The following RANBP2 variants were observed in gnomAD, a reference collection of about 807,000 sequenced individuals.
RANBP2 encodes RAN binding protein 2, also known as E3 SUMO-protein ligase RanBP2.
A neutral mutation model predicts 303.6 loss-of-function variants in RANBP2; 57 were observed. That is an observed-to-expected ratio of 0.19 (90% CI 0.15 to 0.23). The LOEUF (loss-of-function observed/expected upper bound fraction) is 0.23. Ranked by LOEUF, RANBP2 falls within the 10% of genes least tolerant of loss-of-function variation. RANBP2 has a pLI of 1.00. For synonymous variants in RANBP2, 1,167 were observed against 1,301.5 expected, an observed-to-expected ratio of 0.90 and a Z score of 2.23; for missense variants, 3,138 against 3,780.8, an observed-to-expected ratio of 0.83 and a Z score of 4.46.
chr2:109,462,463 C>G, the RANBP2 span, among the ~76,000 whole-genome samples: 1 of 152,142 alleles, frequency 6.6e-6, no homozygotes, highest in Admixed American at 6.5e-5. Flanking sequence ...TGATAATCCT[C>G]TGTCATTCTC....
chr2:109,314,844 A>G, the RANBP2 span, among the ~76,000 whole-genome samples: 1 of 152,238 alleles, frequency 6.6e-6, no homozygotes, highest in Non-Finnish European at 1.5e-5. Context: ...GAATCAGACC[A>G]CCAAAATATT....
At chr2:108,834,535 C>T in the RANBP2 span, among the ~76,000 whole-genome samples, 1 of 152,138 alleles carries the variant, frequency 6.6e-6, no homozygotes, top group Non-Finnish European at 1.5e-5. Flanking sequence ...TTTTTATACA[C>T]TAAGTATTGT....
the RANBP2 span, chr2:109,794,583 G>GGGGGGA: frequency 8.3e-6 from 8 of 963,566 alleles, 1 homozygote; most frequent in African/African-American, 1.8e-5. Context: ...ACCCGGCCGG[G>GGGGGGA]GGGCGGCGGC....
intron 20 of RANBP2, among the ~76,000 whole-genome samples, chr2:108,769,648 A>G (rs2557898): frequency 6.6e-6 from 1 of 151,600 alleles, no homozygotes. Context: ...CCAGTATTCA[A>G]ATGTAGTGGC....
chr2:109,619,381 C>T, the RANBP2 span, among the ~76,000 whole-genome samples: 5 of 152,196 alleles, frequency 3.3e-5, no homozygotes, highest in African/African-American at 4.8e-5. Flanking sequence ...TGCCATAAAC[C>T]TGCCCTACCC....
the RANBP2 span, among the ~76,000 whole-genome samples, chr2:109,143,974 T>C: frequency 6.6e-6 from 1 of 152,228 alleles, no homozygotes; most frequent in African/African-American, 2.4e-5. Flanking sequence ...CTGTGTGATC[T>C]CATTCATATC....
At chr2:109,058,542 C>A in the RANBP2 span, among the ~76,000 whole-genome samples, 1 of 152,202 alleles carries the variant, frequency 6.6e-6, no homozygotes, top group Non-Finnish European at 1.5e-5. Context: ...AAATGTGGCG[C>A]CTGCTTAAAG....
At chr2:108,907,758 A>G in the RANBP2 span, 1 of 1,383,734 alleles carries the variant, frequency 7.2e-7, no homozygotes, top group Non-Finnish European at 1.0e-6. Flanking sequence ...TGGGAGAAAC[A>G]CCCCGTCTTG....
At chr2:109,141,504 G>C in the RANBP2 span, 1 of 154,988 alleles carries the variant, frequency 6.5e-6, no homozygotes, top group African/African-American at 2.4e-5. Flanking sequence ...GCCCAGCCCA[G>C]AGCTGAGCCC....
chr2:109,351,292 G>C, the RANBP2 span, among the ~76,000 whole-genome samples: 2 of 152,342 alleles, frequency 1.3e-5, no homozygotes, highest in South Asian at 2.1e-4. Context: ...CATGCCAGCT[G>C]TGTGACTTAG....
rs112913484 is a variant in RANBP2 at position 108,776,264 on chromosome 2, A to G, written c.8497+328A>G. 6.0e-3 allele frequency among the ~76,000 whole-genome samples: 920 copies of G among 152,236 alleles called. 8 individuals are homozygous for G. The highest frequency in any genetic ancestry group is 6.6e-3 in the Non-Finnish European group (448 of 68,002). ...TTCATTTAAATATTGTTTGAATTAT[A>G]TTATCACTCAAGCATATTCAAAGTG... is the stretch of plus-strand genomic sequence containing the variant. On this transcript the variant is annotated intron_variant, in intron 24 of 28. Coordinates refer to ENST00000283195, the MANE Select transcript of RANBP2 (RefSeq NM_006267.5).
chr2:109,475,337 C>T, the RANBP2 span, among the ~76,000 whole-genome samples: 3 of 152,350 alleles, frequency 2.0e-5, no homozygotes, highest in South Asian at 4.1e-4. Context: ...ATGGATTCTT[C>T]ATTTCTCCAC....
the RANBP2 span, among the ~76,000 whole-genome samples, chr2:109,738,313 C>A: frequency 1.7e-5 from 2 of 116,244 alleles, no homozygotes; most frequent in African/African-American, 2.8e-5. Flanking sequence ...TTCTCAGTAC[C>A]ATTTATTTAT....
intron 6 of RANBP2, among the ~76,000 whole-genome samples, chr2:108,737,935 C>G (rs1485557224): frequency 6.7e-6 from 1 of 150,284 alleles, no homozygotes. Flanking sequence ...AGGATGGTCT[C>G]GATCTCCTGA....
At chr2:108,958,434 C>CA in the RANBP2 span, among the ~76,000 whole-genome samples, 6 of 151,052 alleles carry the variant, frequency 4.0e-5, no homozygotes, top group East Asian at 1.9e-4. Flanking sequence ...AAACAAAAAA[C>CA]AAAAAAAACC....
At chr2:109,037,323 C>CAAAAAAAAAAAAAAAAAAAAA in the RANBP2 span, among the ~76,000 whole-genome samples, 1 of 54,338 alleles carries the variant, frequency 1.8e-5, no homozygotes, top group African/African-American at 6.2e-5. Flanking sequence ...GACCATGTCT[C>CAAAAAAAAAAAAAAAAAAAAA]AAAAAAAAAA....
chr2:109,093,097 ATAGT>A, the RANBP2 span, among the ~76,000 whole-genome samples: 6 of 152,182 alleles, frequency 3.9e-5, no homozygotes, highest in Non-Finnish European at 7.3e-5. Flanking sequence ...GGTTCATGTC[ATAGT>A]TAGCCCTAAA....
the RANBP2 span, among the ~76,000 whole-genome samples, chr2:109,434,924 G>A: frequency 2.6e-5 from 4 of 152,218 alleles, no homozygotes; most frequent in African/African-American, 9.6e-5. Flanking sequence ...CTGCTGCCAG[G>A]GAGTTTGTTA....
chr2:109,473,208 C>G, the RANBP2 span, among the ~76,000 whole-genome samples: 5 of 152,052 alleles, frequency 3.3e-5, no homozygotes, highest in Non-Finnish European at 5.9e-5. Context: ...CCTAGACATA[C>G]GAGCGCCTCA....
Sources: allele counts gnomAD v4.1 joint callset (sites outside exome capture counted in the v4.1 genomes callset), GRCh38; gene constraint gnomAD v4.1.1; transcripts MANE v1.5; gene names NCBI Gene and HGNC (gene_info 2026-07-23, HGNC 2026-07-21).